The following ACYP2 variants were observed in gnomAD, a reference collection of about 807,000 sequenced individuals.
ACYP2 encodes acylphosphatase 2.
In ACYP2, 12 loss-of-function variants were observed where a neutral mutation model predicts 11.2. That is an observed-to-expected ratio of 1.08 (90% CI 0.69 to 1.74). The LOEUF is 1.74. ACYP2 is among the 40% of genes most tolerant of loss of function. The pLI, the probability that ACYP2 is intolerant of heterozygous loss-of-function variation, is 0.00. For missense variants in ACYP2, 134 were observed against 101.9 expected (o/e 1.31, Z -1.35); for synonymous variants, 43 against 32.2 (o/e 1.33, Z -1.13).
intron 6 of ACYP2, among the ~76,000 whole-genome samples, chr2:54,148,750 A>G (rs142629195): frequency 2.1e-3 from 317 of 152,340 alleles, no homozygotes; most frequent in Non-Finnish European, 3.4e-3. Flanking sequence ...CCAACATTAT[A>G]AGTTGTGATG....
At chr2:53,989,728 A>G (rs569138194) in intron 2 of ACYP2, among the ~76,000 whole-genome samples, 2 of 152,286 alleles carry the variant, frequency 1.3e-5, no homozygotes, top group South Asian at 2.1e-4. Context: ...TGAAGGGATG[A>G]TAAGTGATAT....
chr2:54,078,176 A>G (rs138599525), intron 4 of ACYP2, among the ~76,000 whole-genome samples: 1 of 151,820 alleles, frequency 6.6e-6, no homozygotes, highest in East Asian at 1.9e-4. Context: ...CAAACTCCTG[A>G]TCTCAAATGA....
At chr2:54,215,789 C>A (rs1685534949) in intron 6 of ACYP2, among the ~76,000 whole-genome samples, 1 of 152,142 alleles carries the variant, frequency 6.6e-6, no homozygotes, top group African/African-American at 2.4e-5. Flanking sequence ...CAAGACATTC[C>A]ATTGTATTTA....
rs558491195 is a variant in ACYP2 at position 54,043,343 on chromosome 2, G to A, written c.63-7615G>A. Among the ~76,000 whole-genome samples the A allele has an allele frequency of 2.0e-5, 3 of 152,284 alleles. No individual in the cohort carries two copies. In the East Asian group the frequency reaches 5.8e-4, roughly 29 times the overall value. Reference sequence around the variant, plus strand: ...AGGGGCAGGACCACTTTTTGGATATGGTTTGGGAATTACGGATGCATTTTT... The same window carrying A: ...AGGGGCAGGACCACTTTTTGGATATAGTTTGGGAATTACGGATGCATTTTT... On this transcript the variant is annotated intron_variant, in intron 2 of 6. Coordinates refer to ENST00000607452, the MANE Select transcript of ACYP2 (RefSeq NM_001320586.2).
chr2:54,032,932 A>T (rs1487986124), intron 2 of ACYP2, among the ~76,000 whole-genome samples: 1 of 152,196 alleles, frequency 6.6e-6, no homozygotes, highest in East Asian at 1.9e-4. Flanking sequence ...CCTGAATGAG[A>T]AGGAGTTAGT....
At chr2:54,140,467 A>G (rs1301319332) in intron 6 of ACYP2, among the ~76,000 whole-genome samples, 1 of 152,002 alleles carries the variant, frequency 6.6e-6, no homozygotes, top group Admixed American at 6.6e-5. Flanking sequence ...CTTCTTAAGT[A>G]ACCTGTGTTA....
intron 6 of ACYP2, among the ~76,000 whole-genome samples, chr2:54,183,959 C>T (rs1028627768): frequency 1.3e-5 from 2 of 152,046 alleles, no homozygotes; most frequent in African/African-American, 2.4e-5. Context: ...AAGAGTAATG[C>T]GAGTTATTTC....
intron 6 of ACYP2, among the ~76,000 whole-genome samples, chr2:54,188,671 A>C (rs994566258): frequency 6.6e-6 from 1 of 152,202 alleles, no homozygotes; most frequent in African/African-American, 2.4e-5. Flanking sequence ...TTAAAGAAAC[A>C]AACCATACAG....
At chr2:54,285,338 T>C (rs1459165479) in intron 6 of ACYP2, among the ~76,000 whole-genome samples, 1 of 152,212 alleles carries the variant, frequency 6.6e-6, no homozygotes, top group Non-Finnish European at 1.5e-5. Flanking sequence ...CCTCACTTGC[T>C]CCATCTTCTC....
At chr2:54,126,781 C>G (rs1385993670) in intron 4 of ACYP2, among the ~76,000 whole-genome samples, 1 of 149,740 alleles carries the variant, frequency 6.7e-6, no homozygotes, top group Non-Finnish European at 1.5e-5. Flanking sequence ...AACCCTGTCT[C>G]TACTAAAAAA....
At chr2:54,255,580 G>A (rs200851714) in intron 6 of ACYP2, 2 of 1,613,162 alleles carry the variant, frequency 1.2e-6, no homozygotes, top group East Asian at 2.2e-5. Flanking sequence ...CCCGGGCCCG[G>A]GCCCAGGCCC....
Position 54,195,794 on chromosome 2 carries a change from G to GGTTTTTTTTT in ACYP2, c.404+57046_404+57047insGTTTTTTTTT, listed in dbSNP as rs1553389697. On this transcript the variant is annotated intron_variant, in intron 6 of 6. Transcript: ENST00000607452. ...GTACATTGTCATCGTTTTGTTGTGGGTTTTTTTTTTTTTTTTTTTTTGAGA... is the reference window on the plus strand; with the variant it reads ...GTACATTGTCATCGTTTTGTTGTGGGGTTTTTTTTTTTTTTTTTTTTTTTTTTTTTTGAGA... 3.4e-4 allele frequency among the ~76,000 whole-genome samples: 28 copies of GGTTTTTTTTT among 83,142 alleles called. 1 individual carries two copies. Among genetic ancestry groups the GGTTTTTTTTT allele is most frequent in the African/African-American group, 1.2e-3 (25 of 20,124 alleles). The allele number at this position is 83,142 out of a possible 152,430, so 54.5% of individuals were successfully genotyped here. A position where few individuals can be genotyped will look rare whatever the true frequency, so the allele number is the denominator to read the frequency against.
chr2:54,019,177 CCACCT>C, intron 2 of ACYP2, among the ~76,000 whole-genome samples: 1 of 151,902 alleles, frequency 6.6e-6, no homozygotes, highest in African/African-American at 2.4e-5. Context: ...AGCAATCCTT[CCACCT>C]CAGCCTCCTT....
At chr2:54,068,041 A>G (rs1482545495) in intron 4 of ACYP2, among the ~76,000 whole-genome samples, 2 of 152,222 alleles carry the variant, frequency 1.3e-5, no homozygotes, top group Non-Finnish European at 2.9e-5. Flanking sequence ...TTGTCATGGC[A>G]GTCGTCCAGT....
intron 6 of ACYP2, among the ~76,000 whole-genome samples, chr2:54,157,204 A>G (rs72800778): frequency 0.24 from 36,611 of 151,998 alleles, 4,314 homozygotes; most frequent in East Asian, 0.31. Flanking sequence ...TATGCATGTA[A>G]CATGTATATA....
chr2:54,065,126 T>A (rs1039636791), intron 4 of ACYP2, among the ~76,000 whole-genome samples: 14 of 145,848 alleles, frequency 9.6e-5, no homozygotes, highest in African/African-American at 3.1e-4. Flanking sequence ...TAAATAAATA[T>A]AGAGGGACCA....
At chr2:54,121,606 G>A (rs1680162149) in intron 4 of ACYP2, among the ~76,000 whole-genome samples, 1 of 152,196 alleles carries the variant, frequency 6.6e-6, no homozygotes, top group Admixed American at 6.5e-5. Context: ...ACATAGACAA[G>A]TAAATGGAAA....
intron 6 of ACYP2, chr2:54,256,378 G>A (rs1021882581): frequency 3.7e-6 from 2 of 544,842 alleles, no homozygotes; most frequent in African/African-American, 1.9e-5. Flanking sequence ...GATGAGTAAT[G>A]ATATTACATG....
At chr2:54,201,594 CTCTTTCTT>C (rs1553391220) in intron 6 of ACYP2, among the ~76,000 whole-genome samples, 13 of 95,742 alleles carry the variant, frequency 1.4e-4, no homozygotes, top group African/African-American at 3.2e-4. Flanking sequence ...TTCTTTCTTT[CTCTTTCTT>C]TCTTTCTTTC....
Sources: allele counts gnomAD v4.1 joint callset (sites outside exome capture counted in the v4.1 genomes callset), GRCh38; gene constraint gnomAD v4.1.1; transcripts MANE v1.5; gene names NCBI Gene and HGNC (gene_info 2026-07-23, HGNC 2026-07-21).